Variants in CLDN10 observed in about 807,000 individuals in gnomAD.
CLDN10 encodes the protein claudin 10.
A neutral mutation model predicts 22.9 loss-of-function variants in CLDN10; 15 were observed. The observed-to-expected ratio is 0.65, with a 90% CI of 0.44 to 1.01. CLDN10 has a LOEUF of 1.01. Ranked by LOEUF, CLDN10 falls within the 50% of genes least tolerant of loss-of-function variation. The probability of loss-of-function intolerance (pLI) is 0.00; values close to 1 mark genes in which losing one functional copy is unlikely to be tolerated. For synonymous variants in CLDN10, 114 were observed against 111.4 expected, an observed-to-expected ratio of 1.02 and a Z score of -0.15; for missense variants, 247 against 287.8, an observed-to-expected ratio of 0.86 and a Z score of 1.03.
chr13:95,540,876 A>G (rs2043453652), intron 1 of CLDN10, among the ~76,000 whole-genome samples: 5 of 152,228 alleles, frequency 3.3e-5, no homozygotes, highest in Admixed American at 3.3e-4. Context: ...AGAGATAAGT[A>G]GTATTTTTCA....
chr13:95,502,267 C>A (rs767375899), intron 1 of CLDN10, among the ~76,000 whole-genome samples: 1 of 152,174 alleles, frequency 6.6e-6, no homozygotes, highest in Non-Finnish European at 1.5e-5. Flanking sequence ...CAAATGAGAT[C>A]ATAATTGCAG....
intron 3 of CLDN10, among the ~76,000 whole-genome samples, chr13:95,575,590 C>CGCGTGTGTGTGTGT (rs1555301488): frequency 6.6e-6 from 1 of 151,624 alleles, no homozygotes; most frequent in Non-Finnish European, 1.5e-5. Flanking sequence ...CTGCTCAGTT[C>CGCGTGTGTGTGTGT]GTGTGTGTGT....
intron 1 of CLDN10, among the ~76,000 whole-genome samples, chr13:95,542,480 A>G (rs985691132): frequency 3.3e-5 from 5 of 152,252 alleles, no homozygotes; most frequent in Non-Finnish European, 7.3e-5. Context: ...GGCCAGAAAT[A>G]AAATACTGCA....
intron 1 of CLDN10, among the ~76,000 whole-genome samples, chr13:95,452,724 C>G (rs1227317246): frequency 3.3e-5 from 5 of 152,126 alleles, no homozygotes; most frequent in Non-Finnish European, 7.3e-5. Context: ...TAGCCTGGTA[C>G]CATTTGGGTT....
At chr13:95,511,480 T>C (rs2043097834) in intron 1 of CLDN10, among the ~76,000 whole-genome samples, 1 of 152,080 alleles carries the variant, frequency 6.6e-6, no homozygotes, top group Non-Finnish European at 1.5e-5. Context: ...GAAACTGGTT[T>C]CATACAAAAG....
At chr13:95,541,184 T>C (rs965417945) in intron 1 of CLDN10, among the ~76,000 whole-genome samples, 2 of 152,240 alleles carry the variant, frequency 1.3e-5, no homozygotes, top group Admixed American at 1.3e-4. Flanking sequence ...TCAGGCCTTG[T>C]GCAGAAAATA....
At chr13:95,513,368 T>G (rs538301504) in intron 1 of CLDN10, among the ~76,000 whole-genome samples, 1 of 152,236 alleles carries the variant, frequency 6.6e-6, no homozygotes, top group Non-Finnish European at 1.5e-5. Flanking sequence ...GGGCAGAATG[T>G]GTTCTATGCT....
At chr13:95,537,198 C>T (rs896965632) in intron 1 of CLDN10, among the ~76,000 whole-genome samples, 2 of 152,124 alleles carry the variant, frequency 1.3e-5, no homozygotes, top group African/African-American at 4.8e-5. Context: ...GATGTATTTC[C>T]ATTCTACCAC....
intron 1 of CLDN10, among the ~76,000 whole-genome samples, chr13:95,539,663 C>T (rs1372961685): frequency 2.0e-5 from 3 of 152,148 alleles, no homozygotes; most frequent in Admixed American, 1.3e-4. Context: ...CTTATTGAAA[C>T]TGTATTTTCT....
upstream of CLDN10, among the ~76,000 whole-genome samples, chr13:95,548,951 G>A (rs1467677193): frequency 1.3e-5 from 2 of 152,204 alleles, no homozygotes; most frequent in East Asian, 3.8e-4. Flanking sequence ...CAAATCTCCT[G>A]TTTAGTTGGC....
At position 95,560,131 on chromosome 13, in the gene CLDN10, G is replaced by A; in HGVS notation, c.221-1G>A. On this transcript the variant is annotated splice_acceptor_variant, in intron 1 of 4. Coordinates refer to ENST00000299339, the MANE Select transcript of CLDN10 (RefSeq NM_006984.5). LOFTEE classifies it high-confidence loss of function. ...ACGTAAATGACCTACTCTAATTGCA[G>A]GTTATATACAGGCATGTAGAGGACT... 6.2e-7 allele frequency: 1 copy of A among 1,609,736 alleles called. No individual in the cohort carries two copies. The highest frequency in any genetic ancestry group is 1.3e-5 in the African/African-American group (1 of 74,900).
At chr13:95,447,769 G>GTA (rs933703766) in intron 1 of CLDN10, among the ~76,000 whole-genome samples, 1 of 151,164 alleles carries the variant, frequency 6.6e-6, no homozygotes, top group African/African-American at 2.5e-5. Context: ...GTGTGTGTGT[G>GTA]TGTGTATCCA....
chr13:95,553,041 C>A (rs562311166), intron 1 of CLDN10, 68 bp downstream of exon 1: 3 of 1,574,782 alleles, frequency 1.9e-6, no homozygotes, highest in African/African-American at 2.7e-5. Flanking sequence ...GGCGCCCTCT[C>A]GCCCCCAATA....
chr13:95,471,941 ATTTT>A (rs58891166), intron 1 of CLDN10, among the ~76,000 whole-genome samples: 30 of 95,814 alleles, frequency 3.1e-4, no homozygotes, highest in African/African-American at 1.2e-3. Context: ...ACACTCAGCT[ATTTT>A]TTTTTTTTTT....
chr13:95,521,427 C>A (rs992123760), intron 1 of CLDN10, among the ~76,000 whole-genome samples: 3 of 151,946 alleles, frequency 2.0e-5, no homozygotes, highest in African/African-American at 7.3e-5. Context: ...TTTTTGACAT[C>A]TATTGGGATG....
intron 1 of CLDN10, among the ~76,000 whole-genome samples, chr13:95,497,561 G>A (rs1163517671): frequency 6.6e-6 from 1 of 152,118 alleles, no homozygotes; most frequent in Non-Finnish European, 1.5e-5. Flanking sequence ...AGATAGATTT[G>A]GACTCGTGGT....
chr13:95,495,657 T>C (rs2042921213), intron 1 of CLDN10, among the ~76,000 whole-genome samples: 2 of 146,628 alleles, frequency 1.4e-5, no homozygotes, highest in Admixed American at 1.4e-4. Flanking sequence ...GGCAGGAGAA[T>C]GGTGTGAACC....
At chr13:95,461,309 ACTT>A (rs1348049006) in intron 1 of CLDN10, among the ~76,000 whole-genome samples, 1 of 152,144 alleles carries the variant, frequency 6.6e-6, no homozygotes, top group Non-Finnish European at 1.5e-5. Flanking sequence ...ACACTCTAGT[ACTT>A]CTACTCCACC....
rs891680299 is a variant in CLDN10 at position 95,517,607 on chromosome 13, C to T, written c.215-42525C>T. Among the ~76,000 whole-genome samples the T allele has an allele frequency of 2.1e-4, 32 of 152,180 alleles. 1 individual carries two copies. The highest frequency in any genetic ancestry group is 2.0e-3 in the Admixed American group (31 of 15,292). ...AAAACATGCAGGGAGAATTTCCTGA[C>T]AAGATTCTGAAGTATAGACACTCTG... On this transcript the variant is annotated intron_variant, in intron 1 of 4. Coordinates refer to the CLDN10 transcript ENST00000376873.
Sources: gnomAD v4.1 joint callset for allele counts (sites outside exome capture counted in the v4.1 genomes callset) on GRCh38, gnomAD v4.1.1 for gene constraint, MANE v1.5 for transcripts, NCBI Gene and HGNC (gene_info 2026-07-23, HGNC 2026-07-21) for gene names.